The following IFT74 variants were observed in gnomAD, a reference collection of about 807,000 sequenced individuals.
IFT74 encodes the protein intraflagellar transport 74.
A neutral mutation model predicts 96.7 loss-of-function variants in IFT74; 92 were observed. The observed-to-expected ratio is 0.95, with a 90% CI of 0.80 to 1.13. The LOEUF (loss-of-function observed/expected upper bound fraction) is 1.13, where lower values mean the gene tolerates loss of function less well. Ranked by LOEUF, IFT74 falls within the 50% of genes most tolerant of loss-of-function variation. The pLI is 0.00. For synonymous variants in IFT74, 223 were observed against 213.2 expected (o/e 1.05, Z -0.40); for missense variants, 811 against 698.2 (o/e 1.16, Z -1.82).
intron 8 of IFT74, chr9:26,996,275 A>AT: frequency 8.3e-7 from 1 of 1,208,466 alleles, no homozygotes; most frequent in South Asian, 1.9e-5. Context: ...AGTATGATAC[A>AT]TTCAGCAGTG....
chr9:27,021,944 T>C (rs930629287), intron 12 of IFT74, among the ~76,000 whole-genome samples: 1 of 152,226 alleles, frequency 6.6e-6, no homozygotes, highest in African/African-American at 2.4e-5. Context: ...TGTTATCTTC[T>C]AGAATTTGTA....
intron 1 of IFT74, among the ~76,000 whole-genome samples, chr9:26,957,117 C>G (rs554376441): frequency 6.6e-6 from 1 of 152,298 alleles, no homozygotes; most frequent in East Asian, 1.9e-4. Flanking sequence ...AAAGGCCAGG[C>G]TGCCTCTCTG....
Position 27,009,080 on chromosome 9 carries a change from T to C in IFT74, c.648T>C (p.Asp216=), listed in dbSNP as rs754379255. 1.9e-6 allele frequency: 3 copies of C among 1,612,800 alleles called. No individual in the cohort carries two copies. Among genetic ancestry groups the C allele is most frequent in the African/African-American group, 2.7e-5 (2 of 74,866 alleles). ...TTGAACAGGAAAAACAAGCAACAGA[T>C]GACATTATCAAAAATATGTCTTTTG... is the stretch of plus-strand genomic sequence containing the variant. The part of the protein sequence containing the change: ...EEIEQEKQAT[D]DIIKNMSFEN... Residue 216 remains aspartate, a synonymous_variant, in exon 9 of 20, where the codon GAT becomes GAC. Coordinates refer to ENST00000380062, the MANE Select transcript of IFT74 (RefSeq NM_025103.4).
At chr9:26,988,454 T>G (rs868628821) in intron 6 of IFT74, among the ~76,000 whole-genome samples, 5 of 152,210 alleles carry the variant, frequency 3.3e-5, no homozygotes, top group African/African-American at 1.2e-4. Flanking sequence ...TTATCCATGT[T>G]AAAAATGTGA....
chr9:26,990,733 A>G (rs1005780117), intron 8 of IFT74, among the ~76,000 whole-genome samples: 1 of 152,202 alleles, frequency 6.6e-6, no homozygotes, highest in African/African-American at 2.4e-5. Flanking sequence ...CTACAAAGAT[A>G]ATAATAGATG....
At chr9:27,047,467 C>A in intron 15 of IFT74, 96 bp downstream of exon 15, 2 of 640,608 alleles carry the variant, frequency 3.1e-6, no homozygotes, top group Non-Finnish European at 5.4e-6. Flanking sequence ...ACTATTGTAT[C>A]TTCTCATTTA....
In IFT74 at chr9:27,060,521, A is replaced by T. The variant is rs1009170525; in HGVS notation, c.1624-70A>T. The T allele has an allele frequency of 5.1e-6, 5 of 987,898 alleles. No individual in the cohort carries two copies. In the Admixed American group the frequency reaches 6.7e-5, roughly 13 times the overall value. 61.2% of individuals were successfully genotyped at this position (987,898 alleles called of 1,614,324 possible). On this transcript the variant is annotated intron_variant, in intron 18 of 19. Transcript: ENST00000380062. The stretch of plus-strand genomic sequence containing the variant: ...AAGTTGGAGAGATTTTTTTTGTCTT[A>T]TCCTCTTAGAAAGGCATTTAATTGT...
At chr9:27,054,937 A>C (rs996203900) in intron 16 of IFT74, among the ~76,000 whole-genome samples, 1 of 152,226 alleles carries the variant, frequency 6.6e-6, no homozygotes, top group South Asian at 2.1e-4. Context: ...AAAATGTGTG[A>C]TAGGTAAACT....
At chr9:27,006,865 C>CTCG (rs1277060525) in intron 8 of IFT74, among the ~76,000 whole-genome samples, 1 of 106,136 alleles carries the variant, frequency 9.4e-6, no homozygotes, top group Admixed American at 1.5e-4. Flanking sequence ...GAGATGGAGT[C>CTCG]TCGCTCTGTC....
chr9:27,062,542 G>A, intron 19 of IFT74, 76 bp from the exon 20 acceptor site: 2 of 740,834 alleles, frequency 2.7e-6, no homozygotes, highest in Middle Eastern at 2.4e-4. Context: ...TATGAAAAAT[G>A]TCAGTATTTA....
At chr9:27,038,574 G>T (rs1394710546) in intron 13 of IFT74, among the ~76,000 whole-genome samples, 2 of 152,124 alleles carry the variant, frequency 1.3e-5, no homozygotes, top group East Asian at 3.8e-4. Context: ...CACCGCGCCC[G>T]GCCCAGGAAT....
At chr9:27,038,364 G>T (rs575214640) in intron 13 of IFT74, among the ~76,000 whole-genome samples, 6 of 152,288 alleles carry the variant, frequency 3.9e-5, no homozygotes, top group South Asian at 2.1e-4. Flanking sequence ...CTGGGTTCAA[G>T]CAGTTCTCAC....
chr9:26,971,950 A>C (rs1412760629), intron 2 of IFT74, among the ~76,000 whole-genome samples: 1 of 151,622 alleles, frequency 6.6e-6, no homozygotes, highest in African/African-American at 2.4e-5. Flanking sequence ...AATCTTTCTG[A>C]CTCTACTTCT....
rs538137254 is a variant in IFT74, at chr9:27,027,831, T to C, written c.975-1194T>C. Among the ~76,000 whole-genome samples the C allele has an allele frequency of 7.2e-5, 11 of 152,322 alleles. No homozygotes were observed. The South Asian group carries it at 1.7e-3, about 23-fold the overall frequency. The stretch of plus-strand genomic sequence containing the variant: ...CAATTTTGATTTTGTCCAGTTTTTC[T>C]ATTTTTCTTTTGTTGCTCTTGCTTT... On this transcript the variant is annotated intron_variant, in intron 12 of 19. Transcript: ENST00000380062.
chr9:26,952,089 A>G (rs1389515399), upstream of IFT74, among the ~76,000 whole-genome samples: 1 of 152,152 alleles, frequency 6.6e-6, no homozygotes. Flanking sequence ...GTGCCAATAC[A>G]TTTAGTAAGC....
chr9:26,951,035 C>T (rs73433963), intron 1 of IFT74, among the ~76,000 whole-genome samples: 7,241 of 152,254 alleles, frequency 0.048, 225 homozygotes, highest in South Asian at 0.13. Context: ...TTCTGGATCC[C>T]CCTCCCATAT....
intron 13 of IFT74, among the ~76,000 whole-genome samples, chr9:27,035,028 T>A (rs1399504159): frequency 6.6e-6 from 1 of 152,234 alleles, no homozygotes; most frequent in South Asian, 2.1e-4. Flanking sequence ...TTAAATAAAC[T>A]TAATTATTAA....
intron 15 of IFT74, 68 bp from the exon 16 acceptor site, chr9:27,048,080 C>G: frequency 8.9e-7 from 1 of 1,125,870 alleles, no homozygotes. Flanking sequence ...CAGTGTTTTC[C>G]AAGAGTTTTA....
intron 8 of IFT74, chr9:26,995,556 A>G: frequency 6.3e-7 from 1 of 1,595,232 alleles, no homozygotes; most frequent in Non-Finnish European, 8.6e-7. Flanking sequence ...ATATCTATAT[A>G]TTTGTCTTCA....
Sources: allele counts gnomAD v4.1 joint callset (sites outside exome capture counted in the v4.1 genomes callset), GRCh38; gene constraint gnomAD v4.1.1; transcripts MANE v1.5; gene names NCBI Gene and HGNC (gene_info 2026-07-23, HGNC 2026-07-21).